Variants in ANXA4 observed in about 807,000 individuals in gnomAD.
The protein encoded by ANXA4 is 35-beta calcimedin.
A neutral mutation model predicts 49.8 loss-of-function variants in ANXA4; 39 were observed. The observed-to-expected ratio is 0.78, with a 90% CI of 0.61 to 1.02. ANXA4 has a LOEUF of 1.02. Ranked by LOEUF, ANXA4 falls within the 50% of genes least tolerant of loss-of-function variation. ANXA4 has a pLI of 0.00. For missense variants in ANXA4, 360 were observed against 410.1 expected (o/e 0.88, Z 1.05); for synonymous variants, 134 against 152.5 (o/e 0.88, Z 0.89).
intron 1 of ANXA4, among the ~76,000 whole-genome samples, chr2:69,779,969 C>T: frequency 6.6e-6 from 1 of 152,124 alleles, no homozygotes; most frequent in East Asian, 1.9e-4. Context: ...TGATGGGAAA[C>T]AGGAAGAATG....
chr2:69,788,219 T>C (rs1672499176), intron 3 of ANXA4, 78 bp downstream of exon 3: 8 of 1,338,100 alleles, frequency 6.0e-6, no homozygotes, highest in Non-Finnish European at 5.3e-6. Flanking sequence ...CCATGTCTGC[T>C]GGCCATCACG....
At chr2:69,728,003 C>T (rs1302520744) in intron 3 of ANXA4, among the ~76,000 whole-genome samples, 3 of 152,148 alleles carry the variant, frequency 2.0e-5, no homozygotes, top group African/African-American at 7.2e-5. Context: ...AAAGGAAACA[C>T]TCAAGTTAAA....
chr2:69,736,346 T>TTAA (rs1387294208), intron 3 of ANXA4, among the ~76,000 whole-genome samples: 1 of 152,198 alleles, frequency 6.6e-6, no homozygotes, highest in Non-Finnish European at 1.5e-5. Context: ...TTGTATACCA[T>TTAA]TAATAGTAAC....
At position 69,747,452 on chromosome 2, in the gene ANXA4, G is replaced by A. The variant is rs1670657051; in HGVS notation, c.-47+5277G>A. 2.0e-5 allele frequency among the ~76,000 whole-genome samples: 3 copies of A among 152,248 alleles called. No individual in the cohort carries two copies. The South Asian group carries it at 6.2e-4, about 32-fold the overall frequency. ...TTACCCAACTTTAGCTTCTGCTATTGCTACTTTTTGATGCTGTGCAAGCAC... is the reference window on the plus strand; with the variant it reads ...TTACCCAACTTTAGCTTCTGCTATTACTACTTTTTGATGCTGTGCAAGCAC... On this transcript the variant is annotated intron_variant, in intron 1 of 12. Transcript: ENST00000394295.
chr2:69,645,882 C>T (rs1469284282), intron 1 of ANXA4, among the ~76,000 whole-genome samples: 1 of 152,090 alleles, frequency 6.6e-6, no homozygotes, highest in African/African-American at 2.4e-5. Context: ...CATTATTATA[C>T]TCATTTTATA....
chr2:69,688,137 A>G (rs994997882), intron 2 of ANXA4, among the ~76,000 whole-genome samples: 1 of 152,204 alleles, frequency 6.6e-6, no homozygotes, highest in Non-Finnish European at 1.5e-5. Flanking sequence ...TTTAGGCTGT[A>G]AGTTTCCCTT....
chr2:69,658,497 A>C (rs1338211715), intron 2 of ANXA4, among the ~76,000 whole-genome samples: 1 of 152,052 alleles, frequency 6.6e-6, no homozygotes, highest in South Asian at 2.1e-4. Context: ...TCTAGGAAAG[A>C]TATCAAAACA....
At chr2:69,742,559 T>A (rs1421440951) in intron 1 of ANXA4, among the ~76,000 whole-genome samples, 1 of 152,228 alleles carries the variant, frequency 6.6e-6, no homozygotes, top group African/African-American at 2.4e-5. Flanking sequence ...CTCTTACAGT[T>A]TACTTTTTAA....
intron 1 of ANXA4, among the ~76,000 whole-genome samples, chr2:69,779,331 T>C (rs1672105546): frequency 6.6e-6 from 1 of 152,164 alleles, no homozygotes; most frequent in East Asian, 1.9e-4. Flanking sequence ...ATAAATGCCT[T>C]GACAGCAGGT....
At chr2:69,677,872 G>C (rs1677462177) in intron 2 of ANXA4, among the ~76,000 whole-genome samples, 1 of 152,210 alleles carries the variant, frequency 6.6e-6, no homozygotes, top group African/African-American at 2.4e-5. Flanking sequence ...TAACCTCTGA[G>C]CATCTCCCTT....
intron 2 of ANXA4, chr2:69,700,246 G>T (rs570032048): frequency 3.3e-5 from 5 of 152,246 alleles, no homozygotes; most frequent in Admixed American, 3.3e-4. Context: ...GTCGGATGTG[G>T]TGAAGCATGC....
chr2:69,732,904 G>C (rs556887746), intron 3 of ANXA4, among the ~76,000 whole-genome samples: 1 of 152,320 alleles, frequency 6.6e-6, no homozygotes, highest in East Asian at 1.9e-4. Context: ...GCAAGCTGTG[G>C]GTGCCACCTT....
chr2:69,706,747 C>T (rs189013154), intron 2 of ANXA4, among the ~76,000 whole-genome samples: 91 of 152,298 alleles, frequency 6.0e-4, no homozygotes, highest in South Asian at 1.7e-3. Flanking sequence ...TCATACTATA[C>T]GTGACCTTTT....
At chr2:69,679,526 T>C (rs13433043) in intron 2 of ANXA4, among the ~76,000 whole-genome samples, 35,046 of 152,100 alleles carry the variant, frequency 0.23, 4,515 homozygotes, top group East Asian at 0.4. Flanking sequence ...TATTTGCTTA[T>C]TTTTGTGGGG....
intron 7 of ANXA4, among the ~76,000 whole-genome samples, chr2:69,811,918 C>T (rs1012316518): frequency 6.6e-5 from 10 of 152,072 alleles, no homozygotes; most frequent in African/African-American, 9.7e-5. Flanking sequence ...CATGGAACAT[C>T]GAGACAGTAT....
intron 2 of ANXA4, among the ~76,000 whole-genome samples, chr2:69,689,520 A>C (rs1486627140): frequency 1.3e-5 from 2 of 152,020 alleles, no homozygotes; most frequent in African/African-American, 4.8e-5. Context: ...TTTATTTCAC[A>C]AAAAAAATGC....
chr2:69,662,382 C>A (rs1465197737), intron 2 of ANXA4, among the ~76,000 whole-genome samples: 2 of 152,076 alleles, frequency 1.3e-5, no homozygotes, highest in African/African-American at 2.4e-5. Flanking sequence ...ATAAATCATG[C>A]CAGTCACTAG....
At chr2:69,736,378 G>A (rs1200547044) in intron 3 of ANXA4, among the ~76,000 whole-genome samples, 3 of 152,208 alleles carry the variant, frequency 2.0e-5, no homozygotes, top group Non-Finnish European at 2.9e-5. Context: ...CCTACTCTAT[G>A]AGAGTATCTA....
chr2:69,652,887 C>G (rs151096665), intron 1 of ANXA4: 2 of 152,160 alleles, frequency 1.3e-5, no homozygotes, highest in Non-Finnish European at 2.9e-5. Flanking sequence ...TTAGCTAAGA[C>G]GTCTTTGTTA....
Sources: gnomAD v4.1 joint callset for allele counts (sites outside exome capture counted in the v4.1 genomes callset) on GRCh38, gnomAD v4.1.1 for gene constraint, MANE v1.5 for transcripts, NCBI Gene and HGNC (gene_info 2026-07-23, HGNC 2026-07-21) for gene names.